MYO3B: variants seen among roughly 807,000 people sequenced by gnomAD.
MYO3B encodes the protein myosin-IIIb.
A neutral mutation model predicts 174.6 loss-of-function variants in MYO3B; 156 were observed. The ratio of observed to expected loss-of-function variants is 0.89; its 90% CI spans 0.78 to 1.02. The LOEUF (loss-of-function observed/expected upper bound fraction) is 1.02. Among genes scored for constraint, MYO3B ranks in the 50% least tolerant of loss-of-function variants. The pLI is 0.00. For missense variants in MYO3B, 1,632 were observed against 1,639.4 expected (o/e 1.00, Z 0.08); for synonymous variants, 563 against 569.1 (o/e 0.99, Z 0.15).
At chr2:170,537,461 T>A in intron 30 of MYO3B, among the ~76,000 whole-genome samples, 1 of 79,470 alleles carries the variant, frequency 1.3e-5, no homozygotes, top group African/African-American at 4.3e-5. Flanking sequence ...TTTTTTTTTT[T>A]TTTTTTTTTT....
chr2:170,626,339 G>A (rs546766283), intron 32 of MYO3B, among the ~76,000 whole-genome samples: 1 of 152,184 alleles, frequency 6.6e-6, no homozygotes, highest in South Asian at 2.1e-4. Context: ...GATCTTTGTT[G>A]GTTTAAAGTC....
At chr2:170,396,668 A>C (rs2094443638) in intron 16 of MYO3B, among the ~76,000 whole-genome samples, 1 of 152,152 alleles carries the variant, frequency 6.6e-6, no homozygotes, top group Non-Finnish European at 1.5e-5. Context: ...TCTAGGCACT[A>C]TGCTGAAGAG....
At chr2:170,272,342 C>T (rs2093431449) in intron 7 of MYO3B, among the ~76,000 whole-genome samples, 1 of 152,116 alleles carries the variant, frequency 6.6e-6, no homozygotes, top group Non-Finnish European at 1.5e-5. Context: ...CTGTTACTGC[C>T]TTGGTGTAAC....
intron 1 of MYO3B, among the ~76,000 whole-genome samples, chr2:170,179,785 T>C (rs2092374807): frequency 6.6e-6 from 1 of 152,224 alleles, no homozygotes; most frequent in Non-Finnish European, 1.5e-5. Context: ...AACACAACTA[T>C]TATGCACTTG....
intron 8 of MYO3B, among the ~76,000 whole-genome samples, chr2:170,358,633 T>A (rs778776041): frequency 2.0e-5 from 3 of 152,236 alleles, no homozygotes; most frequent in Non-Finnish European, 4.4e-5. Context: ...CAATAATCAG[T>A]TGAAAATTTT....
chr2:170,413,790 A>G (rs1413260962), intron 22 of MYO3B, among the ~76,000 whole-genome samples: 1 of 152,166 alleles, frequency 6.6e-6, no homozygotes, highest in African/African-American at 2.4e-5. Flanking sequence ...CTGTAATCCC[A>G]GCACTTTGGG....
chr2:170,554,949 A>T (rs1164769654), intron 32 of MYO3B, among the ~76,000 whole-genome samples: 4 of 152,242 alleles, frequency 2.6e-5, no homozygotes, highest in African/African-American at 9.6e-5. Context: ...TGCCCTGTTA[A>T]CCACAGCTGC....
chr2:170,277,185 G>A (rs1332958446), intron 7 of MYO3B, among the ~76,000 whole-genome samples: 2 of 152,188 alleles, frequency 1.3e-5, no homozygotes, highest in African/African-American at 4.8e-5. Flanking sequence ...GGCTTCAGCA[G>A]CACCTAGAAG....
rs371891525 is a variant in MYO3B, at chr2:170,519,513, A to G, written c.3548A>G (p.Asn1183Ser). Residue 1183 changes from asparagine to serine, a missense_variant, in exon 30 of 35, where the codon AAC becomes AGC. By Grantham distance (46) the Asn-to-Ser change is conservative. Transcript: ENST00000408978. ...SNNGRTQTSS[N>S]SPAVTEKNGH... ...AATGGCCGTACACAGACTTCAAGCA[A>G]CTCTCCTGCTGTCACAGAGAAAAAT... The G allele has an allele frequency of 1.2e-5, 20 of 1,613,670 alleles. No individual in the cohort carries two copies. Among genetic ancestry groups the G allele is most frequent in the Non-Finnish European group, 1.6e-5 (19 of 1,179,950 alleles).
chr2:170,645,018 A>G lies in MYO3B; in HGVS notation c.3734-6610A>G, dbSNP rs1340470740. ...CTATGTTAAATGCAAACTGGTATTC[A>G]TAACATAATATACCTTTAAAAGCCC... On this transcript the variant is annotated intron_variant, in intron 32 of 34. Coordinates refer to ENST00000408978, the MANE Select transcript of MYO3B (RefSeq NM_138995.5). 6.6e-5 allele frequency among the ~76,000 whole-genome samples: 10 copies of G among 152,330 alleles called. No homozygotes were observed. In the South Asian group the frequency reaches 2.1e-3, roughly 32 times the overall value.
At chr2:170,306,002 A>G (rs2093698462) in intron 7 of MYO3B, among the ~76,000 whole-genome samples, 1 of 152,190 alleles carries the variant, frequency 6.6e-6, no homozygotes, top group Non-Finnish European at 1.5e-5. Context: ...CATGATATGA[A>G]CTGGGGTCAG....
Position 170,340,468 on chromosome 2 carries a change from TG to T in MYO3B, c.815+5019del, listed in dbSNP as rs1188865841. On this transcript the variant is annotated intron_variant, in intron 8 of 34. Coordinates refer to ENST00000408978, the MANE Select transcript of MYO3B (RefSeq NM_138995.5). The stretch of plus-strand genomic sequence containing the variant: ...AAAGTAATATCTTTTCATCACCTAC[TG>T]TGAGGTTAATGGCTGACATTCCTAT... 1.4e-4 allele frequency: 21 copies of T among 152,342 alleles called. No individual in the cohort carries two copies. The East Asian group carries it at 3.9e-3, about 28-fold the overall frequency. 9.4% of individuals were successfully genotyped at this position (152,342 alleles called of 1,614,324 possible).
chr2:170,432,670 G>A (rs1055190165), intron 22 of MYO3B, among the ~76,000 whole-genome samples: 55 of 151,330 alleles, frequency 3.6e-4, no homozygotes, highest in Non-Finnish European at 6.8e-4. Context: ...TCCGCCTCCC[G>A]GGTTCGCACC....
In MYO3B at chr2:170,634,606, AAAATTGAC is replaced by A. The variant is rs1697304716; in HGVS notation, c.3734-17017_3734-17010del. Among the ~76,000 whole-genome samples the A allele has an allele frequency of 2.0e-5, 3 of 152,372 alleles. No individual in the cohort carries two copies. The East Asian group carries it at 5.8e-4, about 29-fold the overall frequency. ...AGCAAAAGCAATGGCAACAAAAGCC[AAAATTGAC>A]AAATGGGATCTAATTAAACTAAAGA... On this transcript the variant is annotated intron_variant, in intron 32 of 34. Transcript: ENST00000408978.
rs530656924 is a variant in MYO3B at position 170,225,274 on chromosome 2, T to A, written c.603+7879T>A. Among the ~76,000 whole-genome samples the A allele has an allele frequency of 4.6e-5, 7 of 152,348 alleles. No homozygotes were observed. The South Asian group carries it at 1.4e-3, about 32-fold the overall frequency. On this transcript the variant is annotated intron_variant, in intron 6 of 34. Transcript: ENST00000408978. ...GAAGTAGATGAGTCACAGAAAGTAA[T>A]TATTCTTGTCCTTGGACAAGTTATT...
intron 29 of MYO3B, 135 bp from the exon 30 acceptor site, chr2:170,519,303 G>GA (rs1293269613): frequency 8.7e-5 from 53 of 605,832 alleles, no homozygotes; most frequent in Non-Finnish European, 1.1e-4. Flanking sequence ...ACATATCCTA[G>GA]AAAAAAAACC....
At chr2:170,474,766 A>G (rs1335383903) in intron 25 of MYO3B, among the ~76,000 whole-genome samples, 3 of 140,690 alleles carry the variant, frequency 2.1e-5, no homozygotes, top group African/African-American at 7.9e-5. Context: ...AAAAAAAAAA[A>G]AAAAAAAAAA....
rs372060956 is a variant in MYO3B at position 170,214,367 on chromosome 2, C to T, written c.322-12C>T. The T allele has an allele frequency of 1.2e-6, 2 of 1,611,312 alleles. No individual in the cohort carries two copies. Among genetic ancestry groups the T allele is most frequent in the African/African-American group, 2.7e-5 (2 of 74,908 alleles). ...CTCCTGCTCTCCCTGTGTCTGGCAC[C>T]TCTTCTTGCAGCTGTGTAATGGGGG... is the stretch of plus-strand genomic sequence containing the variant. On this transcript the variant is annotated splice_polypyrimidine_tract_variant and intron_variant, in intron 3 of 34. Transcript: ENST00000408978.
rs1051898790 is a variant in MYO3B at position 170,569,036 on chromosome 2, C to T, written c.3733+25048C>T. 4.6e-5 allele frequency among the ~76,000 whole-genome samples: 7 copies of T among 152,048 alleles called. No homozygotes were observed. In the East Asian group the frequency reaches 1.2e-3, roughly 25 times the overall value. ...TTGTTGCTTCTAACCTTGTTAGTGC[C>T]GGTGGGTAGGGGGAGAGAAAAACAA... On this transcript the variant is annotated intron_variant, in intron 32 of 34. Transcript: ENST00000408978.
Sources: allele counts gnomAD v4.1 joint callset (sites outside exome capture counted in the v4.1 genomes callset), GRCh38; gene constraint gnomAD v4.1.1; transcripts MANE v1.5; gene names NCBI Gene and HGNC (gene_info 2026-07-23, HGNC 2026-07-21).